Variants in MYOM2 observed in about 807,000 individuals in gnomAD.
MYOM2 encodes myomesin-2.
A neutral mutation model predicts 187.6 loss-of-function variants in MYOM2; 254 were observed. The ratio of observed to expected loss-of-function variants is 1.35; its 90% CI spans 1.22 to 1.50. The LOEUF is 1.50. Ranked by LOEUF, MYOM2 falls within the 40% of genes most tolerant of loss-of-function variation. The pLI is 0.00. For synonymous variants in MYOM2, 981 were observed against 753.8 expected, an observed-to-expected ratio of 1.30 and a Z score of -4.94; for missense variants, 2,796 against 1,924.0, an observed-to-expected ratio of 1.45 and a Z score of -8.48.
At chr8:2,083,376 T>G (rs1406314348) in intron 13 of MYOM2, among the ~76,000 whole-genome samples, 1 of 152,222 alleles carries the variant, frequency 6.6e-6, no homozygotes, top group African/African-American at 2.4e-5. Context: ...ATCTAGCATG[T>G]GCTTAGCGGC....
intron 25 of MYOM2, among the ~76,000 whole-genome samples, chr8:2,110,164 A>G (rs1204179887): frequency 6.6e-6 from 1 of 152,116 alleles, no homozygotes; most frequent in Non-Finnish European, 1.5e-5. Context: ...CTCTACAAAA[A>G]CTTAAGAAAT....
chr8:2,103,407 A>T (rs1274935439), intron 21 of MYOM2, among the ~76,000 whole-genome samples: 1 of 146,132 alleles, frequency 6.8e-6, no homozygotes, highest in African/African-American at 2.6e-5. Context: ...TTATGTGTTT[A>T]TGTGTATGTA....
intron 32 of MYOM2, among the ~76,000 whole-genome samples, chr8:2,130,470 C>T (rs1797825756): frequency 6.6e-6 from 1 of 152,194 alleles, no homozygotes; most frequent in Admixed American, 6.5e-5. Context: ...ATCATAGTTA[C>T]CTAATGAATA....
intron 34 of MYOM2, 140 bp from the exon 35 acceptor site, chr8:2,142,235 A>T: frequency 1.2e-6 from 1 of 858,724 alleles, no homozygotes; most frequent in Non-Finnish European, 2.0e-6. Context: ...TGACCCGAAC[A>T]TGTTCTTCTA....
In MYOM2 at chr8:2,143,474, G is replaced by A. The variant is rs568099142; in HGVS notation, c.4080+18G>A. ...AAGGGAAGGTGAGGATTCTAAACTC[G>A]GCCGGGGTGGGGGTGTCAGCACGGT... On this transcript the variant is annotated intron_variant, in intron 36 of 36. Coordinates refer to ENST00000262113, the MANE Select transcript of MYOM2 (RefSeq NM_003970.4). 6 of 1,614,042 alleles carry A rather than the reference G, an allele frequency of 3.7e-6. No homozygotes were observed. Among genetic ancestry groups the A allele is most frequent in the Admixed American group, 3.3e-5 (2 of 60,018 alleles).
chr8:2,122,361 A>G (rs1055313205), intron 28 of MYOM2, among the ~76,000 whole-genome samples: 3 of 152,240 alleles, frequency 2.0e-5, no homozygotes, highest in African/African-American at 7.2e-5. Flanking sequence ...TCTGTGTGCC[A>G]GGCAGGCAGC....
Position 2,092,519 on chromosome 8 carries a change from A to T in MYOM2, c.2002A>T (p.Arg668Trp). ...CAACCACAAGCCCATCGGATACAAC[A>T]GGTGCGGCCTCCCTCCCCAGCCCTG... ...PCNHKPIGYN[R>W]FVVHGLTTGE... is the part of the protein sequence containing the mutation. Residue 668 changes from arginine to tryptophan, a missense_variant and splice_region_variant, in exon 16 of 37, where the codon AGG becomes TGG. Transcript: ENST00000262113. 1 of 1,613,758 alleles carries T rather than the reference A, an allele frequency of 6.2e-7. No individual in the cohort carries two copies.
chr8:2,090,267 T>C (rs964286812), intron 15 of MYOM2, 76 bp downstream of exon 15: 1 of 1,404,190 alleles, frequency 7.1e-7, no homozygotes, highest in Admixed American at 2.1e-5. Flanking sequence ...TTAAATTGTG[T>C]GAATAAAGAC....
intron 32 of MYOM2, among the ~76,000 whole-genome samples, chr8:2,133,989 C>T (rs1157443199): frequency 2.0e-5 from 3 of 151,004 alleles, no homozygotes; most frequent in African/African-American, 4.9e-5. Flanking sequence ...CCTCCACCCT[C>T]TTCCCCTGAG....
intron 8 of MYOM2, among the ~76,000 whole-genome samples, chr8:2,071,258 G>T (rs1205981625): frequency 6.6e-6 from 1 of 151,996 alleles, no homozygotes; most frequent in Non-Finnish European, 1.5e-5. Flanking sequence ...GCCTCCCAAA[G>T]TGCTGGGATT....
chr8:2,117,619 G>C (rs758141015), intron 27 of MYOM2, among the ~76,000 whole-genome samples: 1 of 152,216 alleles, frequency 6.6e-6, no homozygotes, highest in Admixed American at 6.5e-5. Context: ...GCCATCAGAC[G>C]TACGCTCCTA....
intron 32 of MYOM2, among the ~76,000 whole-genome samples, chr8:2,138,192 A>G (rs62480012): frequency 0.049 from 7,500 of 152,248 alleles, 562 homozygotes; most frequent in African/African-American, 0.15. Context: ...AGACTCTGGC[A>G]AGTCCGTGTT....
chr8:2,090,134 C>T lies in MYOM2; in HGVS notation c.1771C>T (p.His591Tyr). The T allele has an allele frequency of 6.2e-7, 1 of 1,614,108 alleles. No homozygotes were observed. The highest frequency in any genetic ancestry group is 8.5e-7 in the Non-Finnish European group (1 of 1,180,006). ...GTTCCGAGTGCTGTCAGCAAACCGGCATGGCCTGAGCGAACCTTCGGAGAT... is the reference window on the plus strand; with the variant it reads ...GTTCCGAGTGCTGTCAGCAAACCGGTATGGCCTGAGCGAACCTTCGGAGAT... ...YVFRVLSANRHGLSEPSEITS... is the reference protein window; with the variant it reads ...YVFRVLSANRYGLSEPSEITS... The change falls in exon 15 of 37, where the codon CAT becomes TAT. Residue 591 changes from histidine (H) to tyrosine (Y), a missense_variant. By Grantham distance (83) the His-to-Tyr change is moderately conservative (BLOSUM62 2). Coordinates refer to ENST00000262113, the MANE Select transcript of MYOM2 (RefSeq NM_003970.4).
chr8:2,097,249 T>C (rs1319890750), intron 18 of MYOM2: 1 of 315,630 alleles, frequency 3.2e-6, no homozygotes, highest in African/African-American at 2.2e-5. Context: ...TGATGATATA[T>C]AGGCAACTTT....
intron 32 of MYOM2, among the ~76,000 whole-genome samples, chr8:2,131,572 A>G (rs1178601855): frequency 6.6e-6 from 1 of 152,118 alleles, no homozygotes. Context: ...ACAGACTTGT[A>G]AAAGTAACAT....
At chr8:2,110,792 T>A (rs1156360869) in intron 25 of MYOM2, among the ~76,000 whole-genome samples, 6 of 152,228 alleles carry the variant, frequency 3.9e-5, no homozygotes, top group Non-Finnish European at 5.9e-5. Context: ...CCTTTGTGTC[T>A]GATGGGCATT....
intron 35 of MYOM2, 42 bp downstream of exon 35, chr8:2,142,439 G>A (rs1798305575): frequency 1.2e-6 from 2 of 1,605,348 alleles, no homozygotes; most frequent in African/African-American, 2.7e-5. Flanking sequence ...TGAATTATTT[G>A]GGGTGGGGCA....
intron 1 of MYOM2, among the ~76,000 whole-genome samples, chr8:2,046,744 CTTTTTTCTT>C (rs1818323168): frequency 2.2e-5 from 2 of 90,172 alleles, no homozygotes; most frequent in Non-Finnish European, 5.3e-5. Context: ...CTCTCTCTTT[CTTTTTTCTT>C]TTTTTTTTTT....
At chr8:2,052,581 G>T (rs955085154) in intron 3 of MYOM2, among the ~76,000 whole-genome samples, 3 of 152,198 alleles carry the variant, frequency 2.0e-5, no homozygotes, top group Non-Finnish European at 4.4e-5. Context: ...GAGCGCTCAC[G>T]CCACTGCCCA....
Sources: gnomAD v4.1 joint callset for allele counts (sites outside exome capture counted in the v4.1 genomes callset) on GRCh38, gnomAD v4.1.1 for gene constraint, MANE v1.5 for transcripts, NCBI Gene and HGNC (gene_info 2026-07-23, HGNC 2026-07-21) for gene names.